LYN: variants seen among roughly 807,000 people sequenced by gnomAD.
LYN encodes LYN proto-oncogene, Src family tyrosine kinase, also known as tyrosine-protein kinase Lyn.
In LYN, 12 loss-of-function variants were observed where a neutral mutation model predicts 65.0. That is an observed-to-expected ratio of 0.18 (90% confidence interval 0.12 to 0.30). The LOEUF is 0.30. LYN is among the 10% of genes least tolerant of loss of function. The pLI is 1.00. For missense variants in LYN, 380 were observed against 623.2 expected (o/e 0.61, Z 4.16); for synonymous variants, 222 against 221.2 (o/e 1.00, Z -0.03).
At chr8:55,989,666 A>G (rs181782753) in intron 10 of LYN, among the ~76,000 whole-genome samples, 3 of 152,182 alleles carry the variant, frequency 2.0e-5, no homozygotes, top group African/African-American at 7.2e-5. Context: ...CTTTGGTCTC[A>G]TTTAACCAAA....
chr8:55,919,723 C>T (rs1014212861), intron 1 of LYN, among the ~76,000 whole-genome samples: 13 of 152,144 alleles, frequency 8.5e-5, no homozygotes, highest in African/African-American at 1.4e-4. Context: ...CCCTTCTCAG[C>T]GGGAGGCCAG....
intron 1 of LYN, among the ~76,000 whole-genome samples, chr8:55,911,090 T>TATACAC (rs1457989030): frequency 2.3e-4 from 2 of 8,870 alleles, no homozygotes; most frequent in African/African-American, 1.4e-3. Flanking sequence ...TACATATATA[T>TATACAC]ATATATATAC....
At chr8:55,995,924 C>T (rs929694986) in intron 10 of LYN, among the ~76,000 whole-genome samples, 1 of 152,112 alleles carries the variant, frequency 6.6e-6, no homozygotes, top group Non-Finnish European at 1.5e-5. Context: ...TTTTTGTGAC[C>T]ATGAGAATAT....
intron 1 of LYN, among the ~76,000 whole-genome samples, chr8:55,901,404 T>C (rs1255853440): frequency 6.6e-6 from 1 of 152,168 alleles, no homozygotes; most frequent in Non-Finnish European, 1.5e-5. Flanking sequence ...GACTTTAATA[T>C]GAAAGGAACT....
At chr8:56,002,691 T>TA (rs1170052795) in intron 12 of LYN, among the ~76,000 whole-genome samples, 1 of 151,988 alleles carries the variant, frequency 6.6e-6, no homozygotes, top group African/African-American at 2.4e-5. Context: ...GTGAGAATCA[T>TA]AAAAATATGT....
chr8:55,942,566 C>T (rs1208238004), intron 2 of LYN, among the ~76,000 whole-genome samples: 3 of 151,056 alleles, frequency 2.0e-5, no homozygotes, highest in South Asian at 2.1e-4. Flanking sequence ...GTGGGCAGAT[C>T]ACTAGGTCAG....
At chr8:55,972,577 G>C (rs551146372) in intron 10 of LYN, among the ~76,000 whole-genome samples, 1 of 152,200 alleles carries the variant, frequency 6.6e-6, no homozygotes, top group African/African-American at 2.4e-5. Context: ...GCTACCCAGT[G>C]CTCCTCCTCC....
At chr8:55,934,043 T>A (rs182070638) in intron 1 of LYN, among the ~76,000 whole-genome samples, 313 of 152,234 alleles carry the variant, frequency 2.1e-3, no homozygotes, top group African/African-American at 7.1e-3. Flanking sequence ...CTGGCCAATA[T>A]GGTGAAACCC....
intron 1 of LYN, among the ~76,000 whole-genome samples, chr8:55,910,835 G>C (rs1805577523): frequency 6.7e-6 from 1 of 150,130 alleles, no homozygotes; most frequent in Non-Finnish European, 1.5e-5. Flanking sequence ...AATTAGGTTT[G>C]TGGCACCTCT....
intron 8 of LYN, among the ~76,000 whole-genome samples, chr8:55,955,473 T>C (rs555984379): frequency 2.4e-4 from 36 of 152,230 alleles, no homozygotes; most frequent in Non-Finnish European, 4.0e-4. Context: ...TCTCTTCCCA[T>C]GCACACTCTG....
rs373355731 is a variant in LYN, at chr8:55,939,710, T to C, written c.-5-2145T>C. Among the ~76,000 whole-genome samples, 18 of 152,252 alleles carry C rather than the reference T, an allele frequency of 1.2e-4. No homozygotes were observed. The South Asian group carries it at 3.7e-3, about 32-fold the overall frequency. Reference sequence around the variant, plus strand: ...CAGGGTCCTCGTGCTGCTATTAACGTATTTGCCCATTTGTAAAGCACGATT... The same window carrying C: ...CAGGGTCCTCGTGCTGCTATTAACGCATTTGCCCATTTGTAAAGCACGATT... On this transcript the variant is annotated intron_variant, in intron 1 of 12. Transcript: ENST00000519728.
At chr8:55,894,870 G>A (rs1433213862) in intron 1 of LYN, among the ~76,000 whole-genome samples, 1 of 151,170 alleles carries the variant, frequency 6.6e-6, no homozygotes, top group Non-Finnish European at 1.5e-5. Context: ...GTAGAGATGG[G>A]GTTTTGCCAT....
In LYN at chr8:56,006,118, G is replaced by A. The variant is rs148007223; in HGVS notation, c.1337-3790G>A. ...GTGGGGGTGTCTTGTTGGGGTCCTG[G>A]TTGGGGTCTTGTTTTGCTTTGTTTA... On this transcript the variant is annotated intron_variant, in intron 12 of 12. Coordinates refer to ENST00000519728, the MANE Select transcript of LYN (RefSeq NM_002350.4). 2.2e-3 allele frequency among the ~76,000 whole-genome samples: 328 copies of A among 152,152 alleles called. 3 individuals are homozygous for A. In the East Asian group the frequency reaches 0.033, roughly 15 times the overall value.
chr8:55,963,577 C>T (rs991763180), intron 8 of LYN, among the ~76,000 whole-genome samples: 1 of 152,216 alleles, frequency 6.6e-6, no homozygotes, highest in East Asian at 1.9e-4. Context: ...AGGTGCTCAT[C>T]AGCACTTGAT....
At chr8:55,978,909 G>A (rs1044750131) in intron 10 of LYN, among the ~76,000 whole-genome samples, 4 of 152,050 alleles carry the variant, frequency 2.6e-5, no homozygotes, top group Non-Finnish European at 5.9e-5. Flanking sequence ...CTCCTCCCTA[G>A]CCCTGGCTGA....
At position 55,948,343 on chromosome 8, in the gene LYN, G is replaced by A. The variant is rs368432406; in HGVS notation, c.284+620G>A. On this transcript the variant is annotated intron_variant, in intron 4 of 12. Coordinates refer to ENST00000519728, the MANE Select transcript of LYN (RefSeq NM_002350.4). ...TCTGTGTGGCCCATGCATGATACTTGAAATGTCACTTTTCTTTTGTTATAT... is the reference window on the plus strand; with the variant it reads ...TCTGTGTGGCCCATGCATGATACTTAAAATGTCACTTTTCTTTTGTTATAT... 2.6e-4 allele frequency among the ~76,000 whole-genome samples: 40 copies of A among 152,246 alleles called. No individual in the cohort carries two copies. In the East Asian group the frequency reaches 6.9e-3, roughly 26 times the overall value.
At chr8:56,003,024 C>T (rs1352213912) in intron 12 of LYN, among the ~76,000 whole-genome samples, 3 of 150,994 alleles carry the variant, frequency 2.0e-5, no homozygotes, top group African/African-American at 7.3e-5. Context: ...AAAGTACTTT[C>T]TTTACGCAGT....
intron 10 of LYN, among the ~76,000 whole-genome samples, chr8:55,982,076 T>G (rs1807942909): frequency 6.6e-6 from 1 of 152,158 alleles, no homozygotes; most frequent in African/African-American, 2.4e-5. Flanking sequence ...TGGCAGAGGT[T>G]GATGCTAGAG....
chr8:55,907,492 G>C (rs540248510), intron 1 of LYN, among the ~76,000 whole-genome samples: 1 of 152,174 alleles, frequency 6.6e-6, no homozygotes, highest in Admixed American at 6.6e-5. Flanking sequence ...AGGTGGTTAC[G>C]TGGGCACATA....
Sources: gnomAD v4.1 joint callset for allele counts (sites outside exome capture counted in the v4.1 genomes callset) on GRCh38, gnomAD v4.1.1 for gene constraint, MANE v1.5 for transcripts, NCBI Gene and HGNC (gene_info 2026-07-23, HGNC 2026-07-21) for gene names.